The following EIPR1 variants were observed in gnomAD, a reference collection of about 807,000 sequenced individuals.
EIPR1 encodes EARP complex and GARP complex interacting protein 1, also known as EARP and GARP complex-interacting protein 1.
Under a neutral mutation model 48.1 loss-of-function variants are expected in EIPR1, and 25 were observed. That is an observed-to-expected ratio of 0.52 (90% CI 0.38 to 0.73). The LOEUF is 0.73. Ranked by LOEUF, EIPR1 falls within the 30% of genes least tolerant of loss-of-function variation. EIPR1 has a pLI of 0.00. For missense variants in EIPR1, 415 were observed against 506.2 expected (o/e 0.82, Z 1.73); for synonymous variants, 204 against 201.9 (o/e 1.01, Z -0.09).
intron 3 of EIPR1, among the ~76,000 whole-genome samples, chr2:3,290,783 G>A (rs1184996984): frequency 4.6e-5 from 7 of 152,224 alleles, no homozygotes; most frequent in East Asian, 1.9e-4. Context: ...GAAATGGACC[G>A]TCGGTCATCT....
intron 4 of EIPR1, among the ~76,000 whole-genome samples, chr2:3,241,756 C>A (rs1489885751): frequency 6.6e-6 from 1 of 152,134 alleles, no homozygotes; most frequent in African/African-American, 2.4e-5. Flanking sequence ...CCCAGATAAA[C>A]TGAAACAAGC....
chr2:3,218,730 A>G (rs1294674111), intron 4 of EIPR1, among the ~76,000 whole-genome samples: 1 of 149,884 alleles, frequency 6.7e-6, no homozygotes, highest in Admixed American at 6.6e-5. Context: ...GAGCTTTCAC[A>G]GTGAGTCAGG....
chr2:3,350,941 GT>G (rs1186022093), intron 2 of EIPR1, among the ~76,000 whole-genome samples: 1 of 52,060 alleles, frequency 1.9e-5, no homozygotes, highest in Non-Finnish European at 3.6e-5. Context: ...ATGTTACTTC[GT>G]TCCAAAAAAA....
chr2:3,260,007 T>C (rs987516443), intron 3 of EIPR1, among the ~76,000 whole-genome samples: 3 of 152,198 alleles, frequency 2.0e-5, no homozygotes, highest in African/African-American at 7.2e-5. Flanking sequence ...TTCTCAGCCT[T>C]GGGACAAGCA....
intron 3 of EIPR1, among the ~76,000 whole-genome samples, chr2:3,260,250 T>C (rs1421658097): frequency 6.6e-6 from 1 of 152,184 alleles, no homozygotes; most frequent in Non-Finnish European, 1.5e-5. Context: ...CCCAGCACTT[T>C]GGGAGGCCAA....
intron 5 of EIPR1, among the ~76,000 whole-genome samples, chr2:3,212,083 A>G (rs1665475808): frequency 6.6e-6 from 1 of 152,260 alleles, no homozygotes; most frequent in African/African-American, 2.4e-5. Flanking sequence ...CTGGGTGTGA[A>G]GATGGCTTGA....
At chr2:3,334,463 T>C (rs1437064157) in intron 3 of EIPR1, among the ~76,000 whole-genome samples, 2 of 152,258 alleles carry the variant, frequency 1.3e-5, no homozygotes, top group East Asian at 3.8e-4. Context: ...TGCCCTGCGT[T>C]ATGCACAGCA....
intron 2 of EIPR1, among the ~76,000 whole-genome samples, chr2:3,338,626 C>T (rs562143347): frequency 3.2e-4 from 48 of 152,212 alleles, no homozygotes; most frequent in African/African-American, 1.0e-3. Context: ...GGGCAGAACT[C>T]GACTCATACT....
intron 4 of EIPR1, among the ~76,000 whole-genome samples, chr2:3,235,106 T>G (rs1189750770): frequency 2.6e-5 from 4 of 152,220 alleles, no homozygotes; most frequent in Non-Finnish European, 5.9e-5. Flanking sequence ...CATGCAAACT[T>G]GCACATCAAA....
intron 5 of EIPR1, among the ~76,000 whole-genome samples, chr2:3,206,399 C>T (rs1211611869): frequency 1.3e-5 from 2 of 152,220 alleles, no homozygotes; most frequent in Non-Finnish European, 2.9e-5. Flanking sequence ...CCAAGGGTAC[C>T]ATCCCCTGGG....
intron 3 of EIPR1, among the ~76,000 whole-genome samples, chr2:3,322,417 G>T (rs1018351553): frequency 5.3e-5 from 8 of 152,242 alleles, no homozygotes; most frequent in African/African-American, 7.2e-5. Flanking sequence ...GACAATGAAT[G>T]TCTAGAGCAG....
chr2:3,304,795 GT>G (rs1668869946), intron 3 of EIPR1, among the ~76,000 whole-genome samples: 1 of 134,778 alleles, frequency 7.4e-6, no homozygotes, highest in Non-Finnish European at 1.6e-5. Flanking sequence ...ATCCAGTCCC[GT>G]CCAATTCAGC....
In EIPR1 at chr2:3,341,295, C is replaced by T. The variant is rs183504420; in HGVS notation, c.127-3146G>A. Among the ~76,000 whole-genome samples, 395 of 152,152 alleles carry T rather than the reference C, an allele frequency of 2.6e-3. 1 individual carries two copies. The highest frequency in any genetic ancestry group is 4.5e-3 in the Non-Finnish European group (304 of 68,008). On this transcript the variant is annotated intron_variant, in intron 2 of 8. Transcript: ENST00000382125. ...CCTCAGGCAAAACCAACTGAGGTAA[C>T]GACAGAGACCATTCACCGCAGGCCT...
At chr2:3,306,785 A>G (rs1301622892) in intron 3 of EIPR1, among the ~76,000 whole-genome samples, 1 of 152,128 alleles carries the variant, frequency 6.6e-6, no homozygotes, top group Non-Finnish European at 1.5e-5. Flanking sequence ...TTGCTGCCTC[A>G]GGGGCAGCAG....
intron 5 of EIPR1, among the ~76,000 whole-genome samples, chr2:3,203,535 C>A (rs962889615): frequency 1.3e-5 from 2 of 152,230 alleles, no homozygotes; most frequent in Non-Finnish European, 2.9e-5. Flanking sequence ...GCAGTCGGGG[C>A]GCCTCCTCCA....
In EIPR1 at chr2:3,197,952, C is replaced by A. The variant is rs573711987; in HGVS notation, c.517-935G>T. Among the ~76,000 whole-genome samples the A allele has an allele frequency of 2.8e-4, 43 of 152,296 alleles. No homozygotes were observed. In the South Asian group the frequency reaches 8.9e-3, roughly 32 times the overall value. ...GAGCTGCTAGACAGGCCGTGAGAGG[C>A]CCAATGACCGAGCTGGTGCTGGAGT... On this transcript the variant is annotated intron_variant, in intron 5 of 8. Transcript: ENST00000382125.
At chr2:3,269,829 C>T (rs938970792) in intron 3 of EIPR1, among the ~76,000 whole-genome samples, 7 of 152,338 alleles carry the variant, frequency 4.6e-5, no homozygotes, top group Admixed American at 4.6e-4. Context: ...CAACTAGAGG[C>T]AGCAGATCCC....
Position 3,312,025 on chromosome 2 carries a change from A to T in EIPR1, c.259+25992T>A, listed in dbSNP as rs907841574. 6.6e-6 allele frequency among the ~76,000 whole-genome samples: 1 copy of T among 152,114 alleles called. No individual in the cohort carries two copies. The highest frequency in any genetic ancestry group is 1.5e-5 in the Non-Finnish European group (1 of 68,030). ...TCACTCTCGTGCTGACATACAAATG[A>T]CACCCTCCACCCTATAGCTTTCATT... On this transcript the variant is annotated intron_variant, in intron 3 of 8. Coordinates refer to ENST00000382125, the MANE Select transcript of EIPR1 (RefSeq NM_003310.5). This position sits in a 1 kb window ranked among gnomAD's most constrained non-coding sequence, Gnocchi z 5.5.
chr2:3,330,668 T>C (rs993535996), intron 3 of EIPR1, among the ~76,000 whole-genome samples: 2 of 148,440 alleles, frequency 1.3e-5, no homozygotes, highest in Non-Finnish European at 3.0e-5. Flanking sequence ...AAAAGGCAGG[T>C]GCACACACAT....
Sources: allele counts gnomAD v4.1 joint callset (sites outside exome capture counted in the v4.1 genomes callset), GRCh38; gene constraint gnomAD v4.1.1; non-coding constraint Gnocchi (gnomAD v3.1); transcripts MANE v1.5; gene names NCBI Gene and HGNC (gene_info 2026-07-23, HGNC 2026-07-21).